NXPE2: variants seen among roughly 807,000 people sequenced by gnomAD.
NXPE2 encodes the protein neurexophilin and PC-esterase domain family member 2.
A neutral mutation model predicts 34.4 loss-of-function variants in NXPE2; 34 were observed. That is an observed-to-expected ratio of 0.99 (90% confidence interval 0.75 to 1.31). The LOEUF (loss-of-function observed/expected upper bound fraction) is 1.31. Ranked by LOEUF, NXPE2 falls within the 40% of genes most tolerant of loss-of-function variation. The probability of loss-of-function intolerance (pLI) is 0.00; values close to 1 mark genes in which losing one functional copy is unlikely to be tolerated. For missense variants in NXPE2, 649 were observed against 672.5 expected (o/e 0.97, Z 0.39); for synonymous variants, 235 against 231.3 (o/e 1.02, Z -0.15).
the NXPE2 span, among the ~76,000 whole-genome samples, chr11:114,769,197 A>G: frequency 5.3e-5 from 8 of 152,304 alleles, no homozygotes; most frequent in South Asian, 1.7e-3. Context: ...ACCAACAAAC[A>G]TATGAAAAAA....
the NXPE2 span, among the ~76,000 whole-genome samples, chr11:114,467,240 A>G: frequency 6.6e-6 from 1 of 152,210 alleles, no homozygotes; most frequent in Non-Finnish European, 1.5e-5. Flanking sequence ...TAGTATTTTT[A>G]TACTGTGGTG....
At chr11:114,774,880 T>C in the NXPE2 span, among the ~76,000 whole-genome samples, 8 of 152,218 alleles carry the variant, frequency 5.3e-5, no homozygotes, top group Non-Finnish European at 8.8e-5. Flanking sequence ...ACTGTGTCTA[T>C]GAGGACTGTG....
At chr11:114,551,361 T>C in the NXPE2 span, 1 of 1,412,504 alleles carries the variant, frequency 7.1e-7, no homozygotes, top group Non-Finnish European at 9.2e-7. Flanking sequence ...TAACAACTCA[T>C]ACCCCCAATC....
intron 2 of NXPE2, among the ~76,000 whole-genome samples, chr11:114,686,484 T>A (rs1410853028): frequency 1.3e-5 from 2 of 152,162 alleles, no homozygotes; most frequent in Non-Finnish European, 1.5e-5. Flanking sequence ...TTCCATGGTG[T>A]ATATGTACCA....
chr11:114,628,087 C>T, the NXPE2 span, among the ~76,000 whole-genome samples: 1 of 148,690 alleles, frequency 6.7e-6, no homozygotes, highest in African/African-American at 2.5e-5. Flanking sequence ...TTTAACACCC[C>T]ACTGTCAACA....
the NXPE2 span, among the ~76,000 whole-genome samples, chr11:114,736,639 A>G: frequency 6.6e-6 from 1 of 152,118 alleles, no homozygotes; most frequent in African/African-American, 2.4e-5. Flanking sequence ...CTGAGGTGAC[A>G]TACATCCTCC....
chr11:114,719,066 C>T, the NXPE2 span, among the ~76,000 whole-genome samples: 2 of 152,186 alleles, frequency 1.3e-5, no homozygotes, highest in African/African-American at 4.8e-5. Context: ...TCCAGCTTCT[C>T]TCCTCCACTG....
the NXPE2 span, among the ~76,000 whole-genome samples, chr11:114,485,265 G>A: frequency 1.8e-4 from 27 of 151,910 alleles, no homozygotes; most frequent in African/African-American, 6.5e-4. Flanking sequence ...CTGGAGTGTA[G>A]TGGCACGATC....
chr11:114,555,735 A>T, the NXPE2 span, among the ~76,000 whole-genome samples: 1 of 152,106 alleles, frequency 6.6e-6, no homozygotes, highest in East Asian at 1.9e-4. Flanking sequence ...GGCACTACAG[A>T]TGAGATTTCT....
chr11:114,609,102 A>T, the NXPE2 span, among the ~76,000 whole-genome samples: 4 of 147,092 alleles, frequency 2.7e-5, no homozygotes, highest in African/African-American at 1.0e-4. Flanking sequence ...GTGTTGCCTC[A>T]TGGGTAGCTA....
the NXPE2 span, among the ~76,000 whole-genome samples, chr11:114,503,887 CCTGAGCACT>C: frequency 5.3e-5 from 8 of 152,238 alleles, no homozygotes. Context: ...GCTGGTCTAA[CCTGAGCACT>C]CTTTGGTCTA....
At chr11:114,505,296 C>T in the NXPE2 span, among the ~76,000 whole-genome samples, 22 of 152,196 alleles carry the variant, frequency 1.4e-4, no homozygotes, top group Middle Eastern at 3.4e-3. Context: ...ACTTGGAAAA[C>T]GTATTTCAGG....
At chr11:114,645,999 G>A in the NXPE2 span, among the ~76,000 whole-genome samples, 11 of 152,028 alleles carry the variant, frequency 7.2e-5, no homozygotes, top group Admixed American at 3.3e-4. Context: ...ATATCTATTG[G>A]TTAGTACTTC....
the NXPE2 span, chr11:114,582,386 C>T: frequency 6.2e-7 from 1 of 1,614,224 alleles, no homozygotes; most frequent in East Asian, 2.2e-5. Flanking sequence ...GTTGAGGCCT[C>T]ACACAGTAGA....
At chr11:114,620,523 AGG>A in the NXPE2 span, among the ~76,000 whole-genome samples, 4 of 151,624 alleles carry the variant, frequency 2.6e-5, no homozygotes, top group African/African-American at 9.7e-5. Context: ...AACCACTTTA[AGG>A]CGGTAGATAA....
chr11:114,698,502 G>A lies in NXPE2; in HGVS notation c.590G>A (p.Ser197Asn), dbSNP rs1186557513. Residue 197 changes from serine to asparagine, a missense_variant, in exon 3 of 6, where the codon AGT becomes AAT. Physicochemically the swap from Ser to Asn is conservative, Grantham distance 46. Transcript: ENST00000389586. ...CTGTCTCTGCTGCTCATCCACCCCA[G>A]TGAAGGGGTATCAGCTCTCTGGAGG... is the stretch of plus-strand genomic sequence containing the variant. ...VSLSLLLIHP[S>N]EGVSALWRAR... The A allele has an allele frequency of 1.2e-6, 2 of 1,614,014 alleles. No homozygotes were observed. The highest frequency in any genetic ancestry group is 1.1e-5 in the South Asian group (1 of 91,076).
chr11:114,597,063 A>G, the NXPE2 span, among the ~76,000 whole-genome samples: 3 of 152,066 alleles, frequency 2.0e-5, no homozygotes, highest in Admixed American at 6.6e-5. Context: ...AGTTGGAAAA[A>G]CTATCTTGAA....
the NXPE2 span, chr11:114,551,240 G>A: frequency 1.7e-4 from 246 of 1,406,354 alleles, no homozygotes; most frequent in African/African-American, 3.0e-3. Flanking sequence ...GAGAGGAGTC[G>A]TGAGAAGTGA....
chr11:114,584,228 C>A, the NXPE2 span: 1 of 420,534 alleles, frequency 2.4e-6, no homozygotes, highest in South Asian at 2.0e-5. Flanking sequence ...ATGGAGATCC[C>A]TAATGAGCCT....
Sources: allele counts gnomAD v4.1 joint callset (sites outside exome capture counted in the v4.1 genomes callset), GRCh38; gene constraint gnomAD v4.1.1; transcripts MANE v1.5; gene names NCBI Gene and HGNC (gene_info 2026-07-23, HGNC 2026-07-21).